Variants in PDE3B observed in about 807,000 individuals in gnomAD.
PDE3B encodes cGMP-inhibited 3',5'-cyclic phosphodiesterase 3B.
PDE3B carries 66 observed loss-of-function variants against 116.8 expected under a neutral mutation model. The observed-to-expected ratio is 0.56, with a 90% CI of 0.46 to 0.69. The LOEUF is 0.69. Ranked by LOEUF, PDE3B falls within the 30% of genes least tolerant of loss-of-function variation. The pLI is 0.00. For synonymous variants in PDE3B, 595 were observed against 533.6 expected (o/e 1.12, Z -1.59); for missense variants, 1,384 against 1,368.1 (o/e 1.01, Z -0.18).
chr11:14,768,668 G>T (rs1158376861), intron 1 of PDE3B, among the ~76,000 whole-genome samples: 1 of 151,432 alleles, frequency 6.6e-6, no homozygotes, highest in African/African-American at 2.4e-5. Flanking sequence ...ACAGCTATGT[G>T]CATTCTTCCT....
At chr11:14,841,984 ATTTTTTT>A (rs5789851) in intron 11 of PDE3B, among the ~76,000 whole-genome samples, 3 of 150,954 alleles carry the variant, frequency 2.0e-5, no homozygotes, top group African/African-American at 7.3e-5. Context: ...TAAAAATGTC[ATTTTTTT>A]TGTTGCTAAG....
intron 1 of PDE3B, among the ~76,000 whole-genome samples, chr11:14,688,147 C>T (rs1042552513): frequency 7.6e-6 from 1 of 131,440 alleles, no homozygotes; most frequent in Non-Finnish European, 1.7e-5. Context: ...CTCTCTCCCT[C>T]CCTCCCTCCA....
chr11:14,852,325 G>T (rs1847769305), intron 12 of PDE3B, among the ~76,000 whole-genome samples: 1 of 152,110 alleles, frequency 6.6e-6, no homozygotes, highest in African/African-American at 2.4e-5. Context: ...CAAAGTGCTG[G>T]GATTACAGGC....
the PDE3B span, chr11:14,878,124 A>T: frequency 1.2e-6 from 2 of 1,612,836 alleles, no homozygotes; most frequent in African/African-American, 2.7e-5. Context: ...AGGCAGTTTC[A>T]GCGTCTTTCA....
chr11:14,821,318 A>G (rs768058586), intron 7 of PDE3B, among the ~76,000 whole-genome samples: 4 of 152,204 alleles, frequency 2.6e-5, no homozygotes, highest in Non-Finnish European at 5.9e-5. Context: ...CAGAGCAGTC[A>G]TGAGGCCTGT....
At chr11:14,887,165 T>TA in the PDE3B span, 1 of 152,094 alleles carries the variant, frequency 6.6e-6, no homozygotes, top group Non-Finnish European at 1.5e-5. Flanking sequence ...GCAGAGACAA[T>TA]AAAAAGATGC....
chr11:14,806,858 CAAAAAAAAAAAA>C (rs953411145), intron 5 of PDE3B, among the ~76,000 whole-genome samples: 2 of 45,912 alleles, frequency 4.4e-5, no homozygotes, highest in South Asian at 1.5e-3. Context: ...GACTCCGTCT[CAAAAAAAAAAAA>C]AAAAAAAAAA....
At chr11:14,754,974 G>T (rs891121078) in intron 1 of PDE3B, among the ~76,000 whole-genome samples, 1 of 152,086 alleles carries the variant, frequency 6.6e-6, no homozygotes, top group Admixed American at 6.6e-5. Context: ...TTGAGCTCAG[G>T]ACTGAGATTG....
rs1859857158 is a variant in PDE3B, at chr11:14,830,764, C to G, written c.1874C>G (p.Thr625Arg). Reference protein sequence around the residue: ...KLMETQQEEETEKKDSRKLFQ... With the variant: ...KLMETQQEEEREKKDSRKLFQ... ...ATGGAAACTCAACAAGAAGAGGAAA[C>G]AGAGAAGAAAGACAGCAGAAAATTA... Residue 625 changes from threonine to arginine, a missense_variant, in exon 8 of 16, where the codon ACA (threonine) becomes AGA (arginine). Physicochemically the swap from Thr to Arg is moderately conservative, Grantham distance 71. Around this residue, in one of 2 missense-constraint regions of PDE3B, gnomAD observed 956 missense variants for 806.8 expected, o/e 1.18. Coordinates refer to ENST00000282096, the MANE Select transcript of PDE3B (RefSeq NM_000922.4). 6.5e-7 allele frequency: 1 copy of G among 1,536,008 alleles called. No homozygotes were observed. The highest frequency in any genetic ancestry group is 1.4e-5 in the African/African-American group (1 of 70,068).
At chr11:14,718,949 C>CA (rs1446866610) in intron 1 of PDE3B, among the ~76,000 whole-genome samples, 1 of 80,014 alleles carries the variant, frequency 1.2e-5, no homozygotes, top group Non-Finnish European at 2.5e-5. Context: ...AATAGAGACA[C>CA]AAAAAACCCT....
chr11:14,684,180 T>C (rs1854793282), intron 1 of PDE3B, among the ~76,000 whole-genome samples: 1 of 152,188 alleles, frequency 6.6e-6, no homozygotes, highest in African/African-American at 2.4e-5. Flanking sequence ...AGTTTGAAAG[T>C]ATCAGGGGAA....
At chr11:14,735,192 G>A (rs1856564331) in intron 1 of PDE3B, among the ~76,000 whole-genome samples, 1 of 152,098 alleles carries the variant, frequency 6.6e-6, no homozygotes, top group South Asian at 2.1e-4. Flanking sequence ...CTGCACTCTG[G>A]CTTGAAGGAA....
At chr11:14,823,049 A>G (rs1307624194) in intron 7 of PDE3B, among the ~76,000 whole-genome samples, 1 of 152,004 alleles carries the variant, frequency 6.6e-6, no homozygotes, top group Non-Finnish European at 1.5e-5. Flanking sequence ...CCTCCCAACC[A>G]AGGTAACCAG....
intron 1 of PDE3B, among the ~76,000 whole-genome samples, chr11:14,735,114 C>T (rs1011908117): frequency 6.6e-6 from 1 of 152,016 alleles, no homozygotes; most frequent in African/African-American, 2.4e-5. Flanking sequence ...AGAAAAAGCA[C>T]TCATAAATAT....
intron 1 of PDE3B, among the ~76,000 whole-genome samples, chr11:14,770,084 A>T (rs923813900): frequency 6.6e-6 from 1 of 151,318 alleles, no homozygotes; most frequent in South Asian, 2.1e-4. Flanking sequence ...TCTCTGTTTG[A>T]TGGTATTATT....
At chr11:14,736,060 G>A (rs567053196) in intron 1 of PDE3B, among the ~76,000 whole-genome samples, 2 of 150,558 alleles carry the variant, frequency 1.3e-5, no homozygotes, top group South Asian at 4.3e-4. Flanking sequence ...AAGTAATCTA[G>A]TTTTACCTGT....
intron 1 of PDE3B, among the ~76,000 whole-genome samples, chr11:14,723,698 C>T (rs1164173339): frequency 1.3e-5 from 2 of 151,596 alleles, no homozygotes; most frequent in Admixed American, 6.6e-5. Flanking sequence ...GAGTTTAAGG[C>T]TACAAGTGAG....
At chr11:14,660,454 A>G (rs1193086599) in intron 1 of PDE3B, among the ~76,000 whole-genome samples, 1 of 151,334 alleles carries the variant, frequency 6.6e-6, no homozygotes, top group African/African-American at 2.4e-5. Flanking sequence ...GGCACGTGCC[A>G]CCATTCCTGG....
Position 14,832,645 on chromosome 11 carries a change from A to C in PDE3B, c.2095-77A>C. ...TACATGGTTAACATTCCAGAATACA[A>C]ATCACAAAAACATTATACTCAGCTA... On this transcript the variant is annotated intron_variant, in intron 9 of 15. Transcript: ENST00000282096. 5.1e-6 allele frequency: 3 copies of C among 582,770 alleles called. No homozygotes were observed. The Admixed American group carries it at 9.2e-5, about 18-fold the overall frequency. 36.1% of individuals were successfully genotyped at this position (582,770 alleles called of 1,614,324 possible).
Sources: allele counts gnomAD v4.1 joint callset (sites outside exome capture counted in the v4.1 genomes callset), GRCh38; gene constraint gnomAD v4.1.1; regional missense constraint gnomAD v4.1.1; transcripts MANE v1.5; gene names NCBI Gene and HGNC (gene_info 2026-07-23, HGNC 2026-07-21).